Variants in ANAPC1 observed in about 807,000 individuals in gnomAD.
ANAPC1 encodes anaphase promoting complex subunit 1.
Under a neutral mutation model 208.0 loss-of-function variants are expected in ANAPC1, and 36 were observed. The ratio of observed to expected loss-of-function variants is 0.17; its 90% CI spans 0.13 to 0.23. The LOEUF (loss-of-function observed/expected upper bound fraction) is 0.23. Ranked by LOEUF, ANAPC1 falls within the 10% of genes least tolerant of loss-of-function variation. ANAPC1 has a pLI of 1.00. For synonymous variants in ANAPC1, 378 were observed against 695.2 expected (o/e 0.54, Z 7.18); for missense variants, 942 against 2,011.6 (o/e 0.47, Z 10.17).
At chr2:111,779,174 GTGGGCA>G (rs1677148259) in intron 44 of ANAPC1, 1 of 175,212 alleles carries the variant, frequency 5.7e-6, no homozygotes, top group African/African-American at 2.4e-5. Context: ...GGGGTTAAGG[GTGGGCA>G]TGGGCTTTAT....
rs1392407653 is a variant in ANAPC1, at chr2:111,772,356, G to A, written c.5704C>T (p.Pro1902Ser). The A allele has an allele frequency of 6.8e-6, 11 of 1,612,642 alleles. 1 individual carries two copies. In the Admixed American group the frequency reaches 1.2e-4, roughly 17 times the overall value. ...HSVPAPQHLP[P>S]IGLEGSTSFA... ...ATGCAATTACCTTCTAGTCCTATAG[G>A]TGGCAGGTGCTGTGGAGCTGGCACA... The change falls in exon 47 of 48, where the codon CCT (proline) becomes TCT (serine). Residue 1902 changes from proline (P) to serine (S), a missense_variant. By Grantham distance (74) the Pro-to-Ser change is moderately conservative. Coordinates refer to ENST00000341068, the MANE Select transcript of ANAPC1 (RefSeq NM_022662.4).
At chr2:111,863,373 C>T (rs1312011352) in intron 9 of ANAPC1, among the ~76,000 whole-genome samples, 1 of 151,658 alleles carries the variant, frequency 6.6e-6, no homozygotes, top group South Asian at 2.1e-4. Flanking sequence ...AAAACTCAGC[C>T]AGGCATGGTG....
At chr2:111,789,168 A>G (rs1677740443) in intron 38 of ANAPC1, among the ~76,000 whole-genome samples, 1 of 152,252 alleles carries the variant, frequency 6.6e-6, no homozygotes, top group Non-Finnish European at 1.5e-5. Context: ...ATGACTGTAT[A>G]AACAACTATT....
intron 18 of ANAPC1, among the ~76,000 whole-genome samples, chr2:111,838,160 G>A (rs1680576124): frequency 1.3e-5 from 2 of 151,492 alleles, no homozygotes; most frequent in South Asian, 4.2e-4. Context: ...CATAAAAAAG[G>A]TAAATGCTGT....
At chr2:111,775,135 G>A (rs71267712) in intron 46 of ANAPC1, among the ~76,000 whole-genome samples, 8 of 152,222 alleles carry the variant, frequency 5.3e-5, no homozygotes, top group Admixed American at 3.9e-4. Flanking sequence ...GTGTGGTGGC[G>A]TGCACCTGTA....
intron 7 of ANAPC1, chr2:111,865,658 C>T (rs1457323527): frequency 6.5e-6 from 1 of 152,672 alleles, no homozygotes; most frequent in African/African-American, 2.4e-5. Context: ...ACACTTTATA[C>T]ATTTTTACAA....
At chr2:111,771,988 A>G (rs537323068) in intron 47 of ANAPC1, among the ~76,000 whole-genome samples, 6,809 of 149,108 alleles carry the variant, frequency 0.046, 276 homozygotes, top group African/African-American at 0.13. Context: ...AATATTAGAA[A>G]TTAAGATTAT....
intron 26 of ANAPC1, among the ~76,000 whole-genome samples, chr2:111,820,964 CT>C (rs1367378093): frequency 6.7e-6 from 1 of 149,680 alleles, no homozygotes; most frequent in Non-Finnish European, 1.5e-5. Flanking sequence ...TTACATTCAC[CT>C]TTTCTAAAGA....
intron 37 of ANAPC1, among the ~76,000 whole-genome samples, chr2:111,792,779 C>T (rs1390843147): frequency 4.6e-5 from 7 of 151,818 alleles, no homozygotes; most frequent in Middle Eastern, 3.4e-3. Context: ...GGTGAAACCC[C>T]GTCTCTACTA....
At position 111,768,123 on chromosome 2, in the gene ANAPC1, T is replaced by G. The variant is rs1320181300; in HGVS notation, c.*1168A>C. 6.6e-6 allele frequency: 1 copy of G among 152,250 alleles called. No homozygotes were observed. Among genetic ancestry groups the G allele is most frequent in the East Asian group, 1.9e-4 (1 of 5,198 alleles). 9.4% of individuals were successfully genotyped at this position (152,250 alleles called of 1,614,324 possible). A position where few individuals can be genotyped will look rare whatever the true frequency, so the allele number is the denominator to read the frequency against. Reference sequence around the variant, plus strand: ...TGCTTCTACCAGCTTATGATCCCACTGGCCATCCAGGAAGCACAGGACACA... The same window carrying G: ...TGCTTCTACCAGCTTATGATCCCACGGGCCATCCAGGAAGCACAGGACACA... On this transcript the variant is annotated 3_prime_UTR_variant, in exon 48 of 48. Transcript: ENST00000341068.
In ANAPC1 at chr2:111,838,523, A is replaced by AC. The variant is rs778369387; in HGVS notation, c.2041-12dup. On this transcript the variant is annotated splice_polypyrimidine_tract_variant and intron_variant, in intron 17 of 47. Transcript: ENST00000341068. ...TCCTTCAAAGTCAAACTGAAAAGTA[A>AC]CCCCAAAAGAAAAGATAAAAATCGT... 44 of 1,590,714 alleles carry AC rather than the reference A, an allele frequency of 2.8e-5. No individual in the cohort carries two copies. The highest frequency in any genetic ancestry group is 3.6e-5 in the Non-Finnish European group (42 of 1,172,366).
rs1679744963 is a variant in ANAPC1 at position 111,824,871 on chromosome 2, T to G, written c.2812+95A>C. Reference sequence around the variant, plus strand: ...ATAATCTCAATCTTGTGAGGCCTTTTCACAAAGCCAGAGCCCCTCTCTCCT... The same window carrying G: ...ATAATCTCAATCTTGTGAGGCCTTTGCACAAAGCCAGAGCCCCTCTCTCCT... On this transcript the variant is annotated intron_variant, in intron 24 of 47. Transcript: ENST00000341068. The G allele has an allele frequency of 1.6e-5, 22 of 1,382,408 alleles. No individual in the cohort carries two copies. In the South Asian group the frequency reaches 2.6e-4, roughly 17 times the overall value. The allele number at this position is 1,382,408 out of a possible 1,614,324, so 85.6% of individuals were successfully genotyped here.
intron 21 of ANAPC1, among the ~76,000 whole-genome samples, chr2:111,829,694 A>C (rs563819777): frequency 1.9e-4 from 29 of 149,182 alleles, no homozygotes; most frequent in African/African-American, 6.7e-4. Context: ...GTAAACAAAA[A>C]ATAATAAAAA....
chr2:111,821,457 A>C lies in ANAPC1; in HGVS notation c.2992-4T>G. On this transcript the variant is annotated splice_region_variant and splice_polypyrimidine_tract_variant and intron_variant, in intron 25 of 47. Transcript: ENST00000341068. ...AAGGAACATCTGATGAGAGCACCTG[A>C]GTAACAGACTTTATTGTAATAATAA... The C allele has an allele frequency of 6.6e-7, 1 of 1,507,382 alleles. No homozygotes were observed. Among genetic ancestry groups the C allele is most frequent in the South Asian group, 1.1e-5 (1 of 87,832 alleles). 93.4% of individuals were successfully genotyped at this position (1,507,382 alleles called of 1,614,324 possible).
rs542752612 is a variant in ANAPC1, at chr2:111,835,560, C to T, written c.2116-688G>A. Reference sequence around the variant, plus strand: ...CTAACCATAAAAGAAAAAACTGGGCCGGGTGCAGTGGCTCATGCCTGTAAT... The same window carrying T: ...CTAACCATAAAAGAAAAAACTGGGCTGGGTGCAGTGGCTCATGCCTGTAAT... On this transcript the variant is annotated intron_variant, in intron 18 of 47. Coordinates refer to ENST00000341068, the MANE Select transcript of ANAPC1 (RefSeq NM_022662.4). Among the ~76,000 whole-genome samples, 6 of 152,236 alleles carry T rather than the reference C, an allele frequency of 3.9e-5. No homozygotes were observed. The South Asian group carries it at 8.3e-4, about 21-fold the overall frequency.
chr2:111,800,609 G>C (rs1420938316), intron 34 of ANAPC1, among the ~76,000 whole-genome samples, 188 bp downstream of exon 34: 2 of 91,494 alleles, frequency 2.2e-5, no homozygotes, highest in South Asian at 4.0e-4. Context: ...AGGGACCTGA[G>C]GCTAAAAGAG....
chr2:111,819,235 CTA>C (rs2104423144), intron 26 of ANAPC1: 1 of 984,958 alleles, frequency 1.0e-6, no homozygotes, highest in Admixed American at 6.2e-5. Context: ...CCGACTCTCT[CTA>C]GGCATTCAAA....
Position 111,878,605 on chromosome 2 carries a change from G to A in ANAPC1, c.375+205C>T, listed in dbSNP as rs1573525761. Reference sequence around the variant, plus strand: ...ATTACCATTAAAGTGACAAAGAAGAGTGTAAAAAAAGTGATGATATAAAAA... The same window carrying A: ...ATTACCATTAAAGTGACAAAGAAGAATGTAAAAAAAGTGATGATATAAAAA... On this transcript the variant is annotated intron_variant, in intron 3 of 47. Coordinates refer to ENST00000341068, the MANE Select transcript of ANAPC1 (RefSeq NM_022662.4). 2.6e-5 allele frequency among the ~76,000 whole-genome samples: 4 copies of A among 152,222 alleles called. No individual in the cohort carries two copies. In the South Asian group the frequency reaches 8.3e-4, roughly 32 times the overall value.
chr2:111,781,805 G>A (rs111350478), intron 43 of ANAPC1, among the ~76,000 whole-genome samples: 322 of 152,340 alleles, frequency 2.1e-3, no homozygotes, highest in African/African-American at 7.5e-3. Context: ...TGCTGACCCC[G>A]CCGTGGGAAT....
Sources: allele counts gnomAD v4.1 joint callset (sites outside exome capture counted in the v4.1 genomes callset), GRCh38; gene constraint gnomAD v4.1.1; transcripts MANE v1.5; gene names NCBI Gene and HGNC (gene_info 2026-07-23, HGNC 2026-07-21).